SLC25A24: variants seen among roughly 807,000 people sequenced by gnomAD.
SLC25A24 encodes mitochondrial adenyl nucleotide antiporter SLC25A24.
A neutral mutation model predicts 60.7 loss-of-function variants in SLC25A24; 49 were observed. The observed-to-expected ratio is 0.81, with a 90% CI of 0.64 to 1.02. The LOEUF is 1.02. Ranked by LOEUF, SLC25A24 falls within the 50% of genes least tolerant of loss-of-function variation. The pLI, the probability that SLC25A24 is intolerant of heterozygous loss-of-function variation, is 0.00. For synonymous variants in SLC25A24, 202 were observed against 200.6 expected (o/e 1.01, Z -0.06); for missense variants, 564 against 586.3 (o/e 0.96, Z 0.39).
Position 108,161,176 on chromosome 1 carries a change from A to C in SLC25A24, c.510+6T>G. On this transcript the variant is annotated splice_donor_region_variant and intron_variant, in intron 4 of 9. Transcript: ENST00000565488. ...AAATAAGTATAAATACATAAAGTAG[A>C]CTTACTGTAGAATGTTTCCAGAAAC... 7.2e-7 allele frequency: 1 copy of C among 1,380,318 alleles called. No homozygotes were observed. The highest frequency in any genetic ancestry group is 1.0e-6 in the Non-Finnish European group (1 of 968,940). 85.5% of individuals were successfully genotyped at this position (1,380,318 alleles called of 1,614,324 possible).
intron 4 of SLC25A24, among the ~76,000 whole-genome samples, chr1:108,160,713 C>T (rs1343810968): frequency 6.6e-6 from 1 of 152,220 alleles, no homozygotes; most frequent in East Asian, 1.9e-4. Context: ...CTCGGGAGGC[C>T]GAGGCTGGTG....
At chr1:108,171,483 T>C (rs1391820050) in intron 3 of SLC25A24, among the ~76,000 whole-genome samples, 1 of 152,108 alleles carries the variant, frequency 6.6e-6, no homozygotes, top group African/African-American at 2.4e-5. Context: ...GTCTAGAGAG[T>C]ACCAAGAAAC....
At chr1:108,137,351 G>C (rs554160897) in intron 9 of SLC25A24, among the ~76,000 whole-genome samples, 1 of 152,270 alleles carries the variant, frequency 6.6e-6, no homozygotes, top group East Asian at 1.9e-4. Flanking sequence ...GGAAGCTTGG[G>C]AAAAAGCACA....
intron 2 of SLC25A24, among the ~76,000 whole-genome samples, chr1:108,185,264 C>T (rs763353234): frequency 3.3e-5 from 5 of 152,166 alleles, no homozygotes; most frequent in Non-Finnish European, 5.9e-5. Context: ...TTAAGACAAA[C>T]TCCAACCTAT....
chr1:108,162,691 T>C (rs1049570027), intron 3 of SLC25A24, among the ~76,000 whole-genome samples: 1 of 152,064 alleles, frequency 6.6e-6, no homozygotes, highest in Non-Finnish European at 1.5e-5. Flanking sequence ...ATTCTGGATA[T>C]TAGCCCTTTG....
At chr1:108,175,436 T>A (rs1647639923) in intron 3 of SLC25A24, among the ~76,000 whole-genome samples, 1 of 152,190 alleles carries the variant, frequency 6.6e-6, no homozygotes, top group Non-Finnish European at 1.5e-5. Context: ...CAATTAAACC[T>A]CTTTCCTTTA....
At chr1:108,184,737 G>C (rs1648059986) in intron 2 of SLC25A24, among the ~76,000 whole-genome samples, 1 of 152,244 alleles carries the variant, frequency 6.6e-6, no homozygotes. Context: ...GAGACAAGTA[G>C]CTACAACTGA....
Position 108,170,017 on chromosome 1 carries a change from T to G in SLC25A24, c.399-8724A>C, listed in dbSNP as rs199791802. Among the ~76,000 whole-genome samples the G allele has an allele frequency of 1.6e-4, 24 of 152,270 alleles. No individual in the cohort carries two copies. In the East Asian group the frequency reaches 4.6e-3, roughly 29 times the overall value. On this transcript the variant is annotated intron_variant, in intron 3 of 9. Coordinates refer to ENST00000565488, the MANE Select transcript of SLC25A24 (RefSeq NM_013386.5). ...CCTGTTACTGCATCTTTGCTATATATTCTTTATTATCTCCTTCCTCCTACC... is the reference window on the plus strand; with the variant it reads ...CCTGTTACTGCATCTTTGCTATATAGTCTTTATTATCTCCTTCCTCCTACC...
chr1:108,168,070 A>T (rs1274232013), intron 3 of SLC25A24, among the ~76,000 whole-genome samples: 1 of 152,238 alleles, frequency 6.6e-6, no homozygotes, highest in Non-Finnish European at 1.5e-5. Context: ...CTCTAAAAAA[A>T]GCTTTGGTGC....
At chr1:108,186,847 G>A (rs888333242) in intron 1 of SLC25A24, among the ~76,000 whole-genome samples, 31 of 152,270 alleles carry the variant, frequency 2.0e-4, no homozygotes, top group African/African-American at 7.5e-4. Context: ...GGAGGCTGAG[G>A]TGGGCGGATC....
intron 6 of SLC25A24, among the ~76,000 whole-genome samples, chr1:108,150,013 G>C (rs1482287209): frequency 3.3e-5 from 5 of 152,152 alleles, no homozygotes; most frequent in Admixed American, 2.6e-4. Flanking sequence ...TCTGTTTCCT[G>C]AACTACAGAG....
Position 108,200,093 on chromosome 1 carries a change from G to A in SLC25A24, c.46C>T (p.Gln16Ter). ...TAGCGCGTCGGCTGCTCCGCGTCCT[G>A]GCAGGCCGCGGTGGGCAGCACGAAG... ...RDFVLPTAACQDAEQPTRYET... is the reference protein window; with the variant it reads ...RDFVLPTAAC The change falls in exon 1 of 10, where the codon CAG (glutamine) becomes TAG (stop). Residue 16 changes from glutamine (Q) to a stop codon, truncating the protein, a stop_gained. Transcript: ENST00000565488. LOFTEE classifies it high-confidence loss of function. The A allele has an allele frequency of 1.3e-6, 2 of 1,576,020 alleles. No individual in the cohort carries two copies. The highest frequency in any genetic ancestry group is 1.7e-6 in the Non-Finnish European group (2 of 1,161,568).
intron 3 of SLC25A24, among the ~76,000 whole-genome samples, chr1:108,161,900 A>C (rs1680095777): frequency 1.3e-5 from 2 of 149,854 alleles, no homozygotes; most frequent in Non-Finnish European, 3.0e-5. Flanking sequence ...GCACCCACTA[A>C]CTCGTCATCT....
chr1:108,192,574 C>T lies in SLC25A24; in HGVS notation c.184-6620G>A, dbSNP rs150343087. ...GCTCAAAAATGTCCAAGGTCCCATCCTTGTTATAGTCCAGGTACCAAAAGA... is the reference window on the plus strand; with the variant it reads ...GCTCAAAAATGTCCAAGGTCCCATCTTTGTTATAGTCCAGGTACCAAAAGA... On this transcript the variant is annotated intron_variant, in intron 1 of 9. Transcript: ENST00000565488. 4.9e-4 allele frequency: 735 copies of T among 1,499,526 alleles called. 72 individuals carry two copies. The African/African-American group carries it at 8.6e-3, about 17-fold the overall frequency. The allele number at this position is 1,499,526 out of a possible 1,614,324, so 92.9% of individuals were successfully genotyped here. A position where few individuals can be genotyped will look rare whatever the true frequency, so the allele number is the denominator to read the frequency against.
At chr1:108,160,091 G>C (rs1469587403) in intron 4 of SLC25A24, among the ~76,000 whole-genome samples, 1 of 151,744 alleles carries the variant, frequency 6.6e-6, no homozygotes, top group African/African-American at 2.4e-5. Flanking sequence ...GGCCGGGCGG[G>C]GGGCTGACCC....
rs538822354 is a variant in SLC25A24, at chr1:108,192,813, G to C, written c.184-6859C>G. ...CTGGAAGGAGAGGGCTCATCCTAAC[G>C]GCTTCAGCGCAAAGGCGCGAGCGCG... On this transcript the variant is annotated intron_variant, in intron 1 of 9. Transcript: ENST00000565488. 6 of 1,248,684 alleles carry C rather than the reference G, an allele frequency of 4.8e-6. 3 individuals are homozygous for C. In the South Asian group the frequency reaches 1.2e-4, roughly 24 times the overall value. The allele number at this position is 1,248,684 out of a possible 1,614,324, so 77.4% of individuals were successfully genotyped here. A position where few individuals can be genotyped will look rare whatever the true frequency, so the allele number is the denominator to read the frequency against.
At chr1:108,162,565 T>A (rs990999119) in intron 3 of SLC25A24, among the ~76,000 whole-genome samples, 4 of 151,900 alleles carry the variant, frequency 2.6e-5, no homozygotes, top group Non-Finnish European at 5.9e-5. Context: ...CATTTTTTCA[T>A]GTGTTTTTTG....
intron 3 of SLC25A24, among the ~76,000 whole-genome samples, chr1:108,165,394 G>T (rs1362170931): frequency 6.8e-6 from 1 of 147,818 alleles, no homozygotes; most frequent in East Asian, 2.0e-4. Flanking sequence ...ACAGTGGGGT[G>T]TGAAAGTCTC....
Position 108,157,521 on chromosome 1 carries a change from C to T in SLC25A24, c.610G>A (p.Ala204Thr). 6.2e-7 allele frequency: 1 copy of T among 1,614,192 alleles called. No individual in the cohort carries two copies. Among genetic ancestry groups the T allele is most frequent in the South Asian group, 1.1e-5 (1 of 91,082 alleles). The change falls in exon 5 of 10, where the codon GCT becomes ACT. Residue 204 changes from alanine (A) to threonine (T), a missense_variant. Ala to Thr is a moderately conservative substitution (Grantham distance 58). Coordinates refer to ENST00000565488, the MANE Select transcript of SLC25A24 (RefSeq NM_013386.5). ...WWRQLLAGGI[A>T]GAVSRTSTAP... is the part of the protein sequence containing the mutation. ...GTGCTTGTTCGAGAGACAGCACCAG[C>T]AATGCCTCCTGCCAAAAGCTGCCTC...
Sources: allele counts gnomAD v4.1 joint callset (sites outside exome capture counted in the v4.1 genomes callset), GRCh38; gene constraint gnomAD v4.1.1; transcripts MANE v1.5; gene names NCBI Gene and HGNC (gene_info 2026-07-23, HGNC 2026-07-21).